The following CHCHD6 variants were observed in gnomAD, a reference collection of about 807,000 sequenced individuals.
CHCHD6 encodes the protein coiled-coil-helix-coiled-coil-helix domain containing 6, also known as MICOS complex subunit MIC25.
A neutral mutation model predicts 32.3 loss-of-function variants in CHCHD6; 28 were observed. The observed-to-expected ratio is 0.87, with a 90% CI of 0.64 to 1.19. CHCHD6 has a LOEUF of 1.19. Ranked by LOEUF, CHCHD6 falls within the 50% of genes most tolerant of loss-of-function variation. CHCHD6 has a pLI of 0.00. For synonymous variants in CHCHD6, 122 were observed against 117.5 expected (o/e 1.04, Z -0.25); for missense variants, 333 against 307.0 (o/e 1.08, Z -0.63).
In CHCHD6 at chr3:126,766,968, T is replaced by C. The variant is rs1292804456; in HGVS notation, c.411+33746T>C. The stretch of plus-strand genomic sequence containing the variant: ...CTCACTTCTGGGAGTCCAGGACCAG[T>C]GTGTGGTTAGCGCCACAGGCTACGT... On this transcript the variant is annotated intron_variant, in intron 4 of 7. Transcript: ENST00000290913. The C allele has an allele frequency of 4.2e-6, 4 of 953,432 alleles. No individual in the cohort carries two copies. In the Admixed American group the frequency reaches 5.3e-5, roughly 13 times the overall value. 59.1% of individuals were successfully genotyped at this position (953,432 alleles called of 1,614,324 possible).
At chr3:126,954,898 C>T (rs918774655) in intron 6 of CHCHD6, among the ~76,000 whole-genome samples, 2 of 152,232 alleles carry the variant, frequency 1.3e-5, no homozygotes, top group African/African-American at 2.4e-5. Context: ...CACCCACTGC[C>T]CTGCAGATTT....
Position 126,712,953 on chromosome 3 carries a change from G to A in CHCHD6, c.87+8554G>A, listed in dbSNP as rs540489986. Among the ~76,000 whole-genome samples, 3 of 152,208 alleles carry A rather than the reference G, an allele frequency of 2.0e-5. No individual in the cohort carries two copies. The East Asian group carries it at 5.8e-4, about 29-fold the overall frequency. On this transcript the variant is annotated intron_variant, in intron 1 of 7. Coordinates refer to ENST00000290913, the MANE Select transcript of CHCHD6 (RefSeq NM_032343.3). ...AGCTCTACTATCCAGTCCTTCATCC[G>A]GAAAGCTGGCGGTCATCCACGTTCC...
In CHCHD6 at chr3:126,704,279, G is replaced by T. The variant is rs755642296; in HGVS notation, c.-34G>T. ...CCGGTTGCTCTGGAGCCGGGTCTCG[G>T]GTCTGGTGGCTGCCGGCCCTGCGGC... On this transcript the variant is annotated 5_prime_UTR_variant, in exon 1 of 8. Coordinates refer to ENST00000290913, the MANE Select transcript of CHCHD6 (RefSeq NM_032343.3). 3 of 1,572,766 alleles carry T rather than the reference G, an allele frequency of 1.9e-6. No homozygotes were observed. In the South Asian group the frequency reaches 3.4e-5, roughly 18 times the overall value.
chr3:126,937,687 T>C (rs1209469061), intron 6 of CHCHD6, among the ~76,000 whole-genome samples: 2 of 152,206 alleles, frequency 1.3e-5, no homozygotes, highest in Non-Finnish European at 2.9e-5. Flanking sequence ...GCTCTGTGAG[T>C]CAGTGGTCCC....
intron 5 of CHCHD6, among the ~76,000 whole-genome samples, chr3:126,878,974 C>T (rs1034611659): frequency 6.6e-6 from 1 of 152,192 alleles, no homozygotes; most frequent in Non-Finnish European, 1.5e-5. Flanking sequence ...ATCACCTGCA[C>T]CTGTCCTCAT....
chr3:126,858,248 C>T (rs1020962413), intron 5 of CHCHD6, among the ~76,000 whole-genome samples: 7 of 136,336 alleles, frequency 5.1e-5, no homozygotes, highest in Admixed American at 4.2e-4. Flanking sequence ...ACTGGGATAA[C>T]AGTTACCCTT....
intron 4 of CHCHD6, among the ~76,000 whole-genome samples, chr3:126,780,925 C>T (rs1937905386): frequency 6.6e-6 from 1 of 152,160 alleles, no homozygotes; most frequent in African/African-American, 2.4e-5. Context: ...GGCCTTTTCC[C>T]TCATGGTCAC....
chr3:126,799,938 A>G (rs1449020904), intron 4 of CHCHD6, among the ~76,000 whole-genome samples: 1 of 152,208 alleles, frequency 6.6e-6, no homozygotes, highest in Non-Finnish European at 1.5e-5. Flanking sequence ...CTGTAAATAC[A>G]GGTCTACCCC....
chr3:126,818,288 A>G (rs1939995963), intron 4 of CHCHD6, among the ~76,000 whole-genome samples: 1 of 152,096 alleles, frequency 6.6e-6, no homozygotes, highest in Non-Finnish European at 1.5e-5. Context: ...ATACTTTGGC[A>G]GCATTTGACT....
chr3:126,824,995 C>T (rs1453378390), intron 4 of CHCHD6, among the ~76,000 whole-genome samples: 1 of 152,112 alleles, frequency 6.6e-6, no homozygotes, highest in African/African-American at 2.4e-5. Flanking sequence ...TTTCTAACTT[C>T]TCAAGGTGGG....
At chr3:126,889,755 A>G (rs7633939) in intron 5 of CHCHD6, among the ~76,000 whole-genome samples, 56,297 of 152,102 alleles carry the variant, frequency 0.37, 11,509 homozygotes, top group African/African-American at 0.55. Context: ...CGAGAGCTGG[A>G]GACTCCGTGA....
intron 4 of CHCHD6, among the ~76,000 whole-genome samples, chr3:126,817,550 C>T (rs549171951): frequency 6.6e-6 from 1 of 152,302 alleles, no homozygotes; most frequent in South Asian, 2.1e-4. Context: ...CTGCAGAACC[C>T]CCGCTCCCCA....
At chr3:126,788,038 C>T (rs901289102) in intron 4 of CHCHD6, among the ~76,000 whole-genome samples, 6 of 151,628 alleles carry the variant, frequency 4.0e-5, no homozygotes, top group African/African-American at 7.3e-5. Flanking sequence ...AGCATGAAGG[C>T]TGTTGAATTT....
At chr3:126,893,660 C>A (rs2077796830) in intron 5 of CHCHD6, among the ~76,000 whole-genome samples, 1 of 152,238 alleles carries the variant, frequency 6.6e-6, no homozygotes, top group African/African-American at 2.4e-5. Flanking sequence ...CCCCCAGAGC[C>A]AGCAGGGCTC....
chr3:126,852,823 C>A, intron 5 of CHCHD6, 93 bp downstream of exon 5: 1 of 846,464 alleles, frequency 1.2e-6, no homozygotes, highest in Non-Finnish European at 2.0e-6. Context: ...GAGGAGTCCG[C>A]AGACCCAGTG....
chr3:126,881,198 G>T (rs903099454), intron 5 of CHCHD6, among the ~76,000 whole-genome samples: 2 of 152,252 alleles, frequency 1.3e-5, no homozygotes, highest in Admixed American at 6.5e-5. Context: ...GGCCTCCCAG[G>T]CTTGCTCTGT....
chr3:126,757,509 G>A (rs530505844), intron 4 of CHCHD6, among the ~76,000 whole-genome samples: 22 of 152,178 alleles, frequency 1.4e-4, no homozygotes, highest in Non-Finnish European at 2.8e-4. Flanking sequence ...GGAAAGTAGA[G>A]AAAGTGAACA....
chr3:126,933,735 A>G (rs967317392), intron 6 of CHCHD6, among the ~76,000 whole-genome samples: 1 of 152,228 alleles, frequency 6.6e-6, no homozygotes, highest in African/African-American at 2.4e-5. Flanking sequence ...ACATTTCAAC[A>G]TGAGATTTGG....
rs564367172 is a variant in CHCHD6, at chr3:126,944,718, G to T, written c.567-12698G>T. Among the ~76,000 whole-genome samples the T allele has an allele frequency of 8.8e-4, 134 of 152,370 alleles. 1 individual carries two copies. Among genetic ancestry groups the T allele is most frequent in the African/African-American group, 3.2e-3 (134 of 41,596 alleles). ...CTGTGTGACAGCGGGAAGAAGGGCAGGTAACCTTCAGGGGAAGTTGTGGTT... is the reference window on the plus strand; with the variant it reads ...CTGTGTGACAGCGGGAAGAAGGGCATGTAACCTTCAGGGGAAGTTGTGGTT... On this transcript the variant is annotated intron_variant, in intron 6 of 7. Coordinates refer to ENST00000290913, the MANE Select transcript of CHCHD6 (RefSeq NM_032343.3).
Sources: gnomAD v4.1 joint callset for allele counts (sites outside exome capture counted in the v4.1 genomes callset) on GRCh38, gnomAD v4.1.1 for gene constraint, MANE v1.5 for transcripts, NCBI Gene and HGNC (gene_info 2026-07-23, HGNC 2026-07-21) for gene names.